Variants in CRLF2 observed in about 807,000 individuals in gnomAD.
CRLF2 encodes cytokine receptor like factor 2.
CRLF2 carries 41 observed loss-of-function variants against 38.7 expected under a neutral mutation model. The observed-to-expected ratio is 1.06, with a 90% confidence interval of 0.83 to 1.37. The LOEUF is 1.37. CRLF2 is among the 40% of genes most tolerant of loss of function. CRLF2 has a pLI of 0.00. For synonymous variants in CRLF2, 140 were observed against 128.8 expected, an observed-to-expected ratio of 1.09 and a Z score of -0.59; for missense variants, 377 against 322.2, an observed-to-expected ratio of 1.17 and a Z score of -1.30.
chrX:1,212,247 AG>A (rs1255114303), intron 1 of CRLF2, among the ~76,000 whole-genome samples: 16 of 152,054 alleles, frequency 1.1e-4, no homozygotes, highest in Middle Eastern at 3.4e-3. Flanking sequence ...ATCAATCAAT[AG>A]ATAGACACAC....
chrX:1,196,685 G>A, intron 6 of CRLF2, 95 bp downstream of exon 6: 2 of 1,470,270 alleles, frequency 1.4e-6, no homozygotes, highest in Non-Finnish European at 1.8e-6. Context: ...GAGGCCCAGG[G>A]AAATGACTCT....
chrX:1,200,195 ATGTGTGTATG>A (rs1215064713), intron 4 of CRLF2, among the ~76,000 whole-genome samples: 2 of 151,246 alleles, frequency 1.3e-5, no homozygotes, highest in South Asian at 2.1e-4. Flanking sequence ...AGCTGTGTAT[ATGTGTGTATG>A]TGTGTGTATA....
At chrX:1,203,661 C>T (rs2086645981) in intron 3 of CRLF2, among the ~76,000 whole-genome samples, 1 of 151,938 alleles carries the variant, frequency 6.6e-6, no homozygotes, top group African/African-American at 2.4e-5. Context: ...CACCTGGAGC[C>T]CCCAGGAGCT....
intron 6 of CRLF2, among the ~76,000 whole-genome samples, chrX:1,195,913 AT>A (rs1386159951): frequency 7.9e-4 from 112 of 141,446 alleles, no homozygotes; most frequent in African/African-American, 2.7e-3. Flanking sequence ...GTATTTATAT[AT>A]TTTTATATAG....
chrX:1,192,661 C>T (rs1324742676), intron 7 of CRLF2, among the ~76,000 whole-genome samples: 1 of 149,462 alleles, frequency 6.7e-6, no homozygotes, highest in Admixed American at 6.7e-5. Flanking sequence ...TTCTTTCTTT[C>T]CTTTTTTCTT....
intron 6 of CRLF2, 59 bp downstream of exon 6, chrX:1,196,721 C>T: frequency 6.3e-7 from 1 of 1,587,398 alleles, no homozygotes; most frequent in Non-Finnish European, 8.6e-7. Context: ...TTTTTTCGTA[C>T]TTCACAGACA....
At chrX:1,202,257 G>C (rs1423340695) in intron 4 of CRLF2, 145 bp downstream of exon 4, 2 of 924,968 alleles carry the variant, frequency 2.2e-6, no homozygotes, top group Non-Finnish European at 3.2e-6. Context: ...AGCTGGACTA[G>C]AGCTCTCTCA....
Position 1,198,571 on chromosome X carries a change from C to T in CRLF2, c.637G>A (p.Glu213Lys), listed in dbSNP as rs200254974. 3.6e-4 allele frequency: 575 copies of T among 1,613,642 alleles called. 4 individuals are homozygous for T. The highest frequency in any genetic ancestry group is 3.5e-3 in the Middle Eastern group (21 of 6,056). Residue 213 changes from glutamate to lysine, a missense_variant, in exon 5 of 8, where the codon GAG becomes AAG. Transcript: ENST00000400841. ...GCGTAACAAGCATTACCCCGAATCT[C>T]GCCTCTCTGCCAGCATGTCACCTCT... ...WSEVTCWQRG[E>K]IRDACAETPT... is the part of the protein sequence containing the mutation.
Position 1,190,499 on chromosome X carries a change from C to G in CRLF2, c.*398G>C, listed in dbSNP as rs1384458897. 12 of 252,398 alleles carry G rather than the reference C, an allele frequency of 4.8e-5. No homozygotes were observed. The highest frequency in any genetic ancestry group is 2.2e-4 in the African/African-American group (10 of 46,226). 15.6% of individuals were successfully genotyped at this position (252,398 alleles called of 1,614,324 possible). A position where few individuals can be genotyped will look rare whatever the true frequency, so the allele number is the denominator to read the frequency against. The stretch of plus-strand genomic sequence containing the variant: ...AACTGAGTGAGACTCTGTCTCAAAA[C>G]AGACAAAAAATCCTCCGAGAATCCA... On this transcript the variant is annotated 3_prime_UTR_variant, in exon 8 of 8. Coordinates refer to ENST00000400841, the MANE Select transcript of CRLF2 (RefSeq NM_022148.4).
intron 7 of CRLF2, among the ~76,000 whole-genome samples, chrX:1,192,730 TTCTTTC>T (rs1209847596): frequency 8.3e-6 from 1 of 119,994 alleles, no homozygotes; most frequent in Non-Finnish European, 1.9e-5. Context: ...CTTTCTTTCT[TTCTTTC>T]TTTCTTTCTT....
intron 4 of CRLF2, among the ~76,000 whole-genome samples, chrX:1,200,406 TG>T (rs1324687314): frequency 1.0e-4 from 9 of 90,348 alleles, no homozygotes; most frequent in East Asian, 1.0e-3. Flanking sequence ...TGTGTATATG[TG>T]TATATAAGCT....
chrX:1,211,909 ATGTATTGG>A, intron 1 of CRLF2, among the ~76,000 whole-genome samples: 1 of 131,110 alleles, frequency 7.6e-6, no homozygotes, highest in African/African-American at 3.2e-5. Flanking sequence ...GGATGGATGG[ATGTATTGG>A]TGGATGGATG....
intron 1 of CRLF2, among the ~76,000 whole-genome samples, chrX:1,209,556 C>A (rs866458178): frequency 6.6e-6 from 1 of 151,704 alleles, no homozygotes; most frequent in African/African-American, 2.4e-5. Flanking sequence ...TGGTCTCGAT[C>A]TCCTGACCTC....
chrX:1,200,338 TATAAG>T (rs1234212850), intron 4 of CRLF2, among the ~76,000 whole-genome samples: 2 of 151,350 alleles, frequency 1.3e-5, no homozygotes, highest in African/African-American at 2.4e-5. Flanking sequence ...TATGTGTGTA[TATAAG>T]ATGTGTATGT....
chrX:1,192,207 A>AAAG (rs1266539994), intron 7 of CRLF2, among the ~76,000 whole-genome samples: 3 of 132,900 alleles, frequency 2.3e-5, no homozygotes, highest in Non-Finnish European at 5.0e-5. Flanking sequence ...TCCGTCTCAA[A>AAAG]AAAAAAAAAA....
chrX:1,209,243 A>C (rs2086746543), intron 1 of CRLF2, among the ~76,000 whole-genome samples: 1 of 151,574 alleles, frequency 6.6e-6, no homozygotes, highest in Non-Finnish European at 1.5e-5. Context: ...CTGGGATTAC[A>C]GGCGTGAGCC....
rs752590810 is a variant in CRLF2, at chrX:1,198,862, C to T, written c.484-138G>A. ...GTCTCGCTGACTTCAAGAATGGAGC[C>T]GCGAGGCCGGACACAGTGGCTCACT... is the stretch of plus-strand genomic sequence containing the variant. On this transcript the variant is annotated intron_variant, in intron 4 of 7. Coordinates refer to ENST00000400841, the MANE Select transcript of CRLF2 (RefSeq NM_022148.4). 399 of 866,862 alleles carry T rather than the reference C, an allele frequency of 4.6e-4. 2 individuals are homozygous for T. In the South Asian group the frequency reaches 5.7e-3, roughly 12 times the overall value. The allele number at this position is 866,862 out of a possible 1,614,324, so 53.7% of individuals were successfully genotyped here. A position where few individuals can be genotyped will look rare whatever the true frequency, so the allele number is the denominator to read the frequency against.
chrX:1,201,801 T>C (rs1339802689), intron 4 of CRLF2, among the ~76,000 whole-genome samples: 1 of 96,744 alleles, frequency 1.0e-5, no homozygotes, highest in Non-Finnish European at 2.0e-5. Flanking sequence ...AGATAATGGG[T>C]AGGTAGTTAG....
At chrX:1,208,996 C>G (rs2086740153) in intron 1 of CRLF2, 88 bp from the exon 2 acceptor site, 9 of 808,832 alleles carry the variant, frequency 1.1e-5, no homozygotes, top group African/African-American at 1.7e-5. Context: ...GAGACAGAGT[C>G]TCACTCTGTT....
Sources: allele counts gnomAD v4.1 joint callset (sites outside exome capture counted in the v4.1 genomes callset), GRCh38; gene constraint gnomAD v4.1.1; transcripts MANE v1.5; gene names NCBI Gene and HGNC (gene_info 2026-07-23, HGNC 2026-07-21).